The following C7orf78 variants were observed in gnomAD, a reference collection of about 807,000 sequenced individuals.
C7orf78 encodes the protein putative uncharacterized protein C7orf78.
At chr7:12,529,910 G>A in the C7orf78 span, among the ~76,000 whole-genome samples, 1 of 152,220 alleles carries the variant, frequency 6.6e-6, no homozygotes, top group East Asian at 1.9e-4. Context: ...GGGCAGTTTT[G>A]CAGTCATATT....
chr7:12,495,214 G>A, the C7orf78 span, among the ~76,000 whole-genome samples: 6 of 152,096 alleles, frequency 3.9e-5, no homozygotes, highest in African/African-American at 1.4e-4. Context: ...CTCATCTTAC[G>A]CTGTAAATTT....
the C7orf78 span, among the ~76,000 whole-genome samples, chr7:12,528,597 T>A: frequency 6.6e-6 from 1 of 152,218 alleles, no homozygotes; most frequent in African/African-American, 2.4e-5. Context: ...GCCCCTGACT[T>A]CAAACATATT....
the C7orf78 span, among the ~76,000 whole-genome samples, chr7:12,495,330 G>T: frequency 6.6e-6 from 1 of 152,186 alleles, no homozygotes; most frequent in African/African-American, 2.4e-5. Flanking sequence ...ATTCAGGCAT[G>T]TCTAATCTCC....
At chr7:12,526,703 A>G in the C7orf78 span, among the ~76,000 whole-genome samples, 9 of 152,022 alleles carry the variant, frequency 5.9e-5, no homozygotes, top group African/African-American at 1.7e-4. Context: ...GAACATGTCA[A>G]CTTTCCTAGT....
the C7orf78 span, chr7:12,491,720 A>G: frequency 3.3e-5 from 5 of 152,148 alleles, no homozygotes; most frequent in African/African-American, 1.2e-4. Flanking sequence ...TTACAAGCAC[A>G]CTCATCGGAT....
At chr7:12,509,957 C>A in the C7orf78 span, among the ~76,000 whole-genome samples, 4 of 151,264 alleles carry the variant, frequency 2.6e-5, no homozygotes, top group Non-Finnish European at 5.9e-5. Context: ...TCACTTGAAC[C>A]CGGGAGGCAG....
chr7:12,539,046 G>C, the C7orf78 span, among the ~76,000 whole-genome samples: 2 of 152,160 alleles, frequency 1.3e-5, no homozygotes, highest in African/African-American at 4.8e-5. Flanking sequence ...CTTTATAAAT[G>C]ATAATCCTGA....
At chr7:12,529,791 G>T in the C7orf78 span, among the ~76,000 whole-genome samples, 1 of 152,220 alleles carries the variant, frequency 6.6e-6, no homozygotes, top group African/African-American at 2.4e-5. Flanking sequence ...AAGAATTCAA[G>T]GGCGGGCCTG....
the C7orf78 span, among the ~76,000 whole-genome samples, chr7:12,500,257 C>G: frequency 6.6e-6 from 1 of 151,972 alleles, no homozygotes; most frequent in African/African-American, 2.4e-5. Context: ...AATAGAGACA[C>G]AAGAAACCCT....
chr7:12,503,923 G>A, the C7orf78 span, among the ~76,000 whole-genome samples: 2 of 151,936 alleles, frequency 1.3e-5, no homozygotes, highest in East Asian at 1.9e-4. Flanking sequence ...CAGCCTAGGC[G>A]ACAGAGCATG....
the C7orf78 span, among the ~76,000 whole-genome samples, chr7:12,490,376 G>C: frequency 2.6e-5 from 4 of 152,188 alleles, no homozygotes; most frequent in South Asian, 8.3e-4. Context: ...CCAGGACGAT[G>C]TCATCATGTG....
the C7orf78 span, among the ~76,000 whole-genome samples, chr7:12,536,504 A>C: frequency 1.3e-5 from 2 of 152,128 alleles, no homozygotes; most frequent in Non-Finnish European, 2.9e-5. Context: ...ACTGCCAAAA[A>C]GTTCTCAGAC....
chr7:12,510,261 G>C, the C7orf78 span, among the ~76,000 whole-genome samples: 1 of 151,838 alleles, frequency 6.6e-6, no homozygotes, highest in Non-Finnish European at 1.5e-5. Flanking sequence ...ATGGCTCACT[G>C]CAGCCCCAAA....
At chr7:12,497,585 C>T in the C7orf78 span, among the ~76,000 whole-genome samples, 1 of 152,144 alleles carries the variant, frequency 6.6e-6, no homozygotes, top group Non-Finnish European at 1.5e-5. Context: ...GAGGGTCCTA[C>T]CCCACGGAGT....
At chr7:12,489,422 G>A in the C7orf78 span, among the ~76,000 whole-genome samples, 2 of 152,120 alleles carry the variant, frequency 1.3e-5, no homozygotes, top group East Asian at 3.9e-4. Context: ...TTTTAACTAA[G>A]AAGCAGAATT....
the C7orf78 span, among the ~76,000 whole-genome samples, chr7:12,520,203 C>G: frequency 6.6e-6 from 1 of 152,186 alleles, no homozygotes; most frequent in Non-Finnish European, 1.5e-5. Context: ...AGATATTTCT[C>G]TTTTGGACTC....
chr7:12,519,277 C>T, the C7orf78 span, among the ~76,000 whole-genome samples: 3 of 152,202 alleles, frequency 2.0e-5, no homozygotes, highest in Non-Finnish European at 4.4e-5. Context: ...ACAGGCCACA[C>T]TGCTAATGGG....
chr7:12,508,116 A>T, the C7orf78 span, among the ~76,000 whole-genome samples: 1 of 152,180 alleles, frequency 6.6e-6, no homozygotes, highest in African/African-American at 2.4e-5. Context: ...ACATGAACTG[A>T]CTGAGAATTC....
the C7orf78 span, among the ~76,000 whole-genome samples, chr7:12,510,343 C>T: frequency 6.6e-6 from 1 of 152,040 alleles, no homozygotes; most frequent in Non-Finnish European, 1.5e-5. Flanking sequence ...TGCCACCATG[C>T]CTGGCTAATT....
Sources: allele counts gnomAD v4.1 joint callset (sites outside exome capture counted in the v4.1 genomes callset), GRCh38; gene constraint gnomAD v4.1.1; transcripts MANE v1.5; gene names NCBI Gene and HGNC (gene_info 2026-07-23, HGNC 2026-07-21).